Variants in FLRT3 observed in about 807,000 individuals in gnomAD.
FLRT3 encodes the protein fibronectin leucine rich transmembrane protein 3.
Under a neutral mutation model 42.6 loss-of-function variants are expected in FLRT3, and 17 were observed. The ratio of observed to expected loss-of-function variants is 0.40; its 90% confidence interval spans 0.27 to 0.60. The LOEUF is 0.60. FLRT3 is among the 20% of genes least tolerant of loss of function. The pLI is 0.44. For missense variants in FLRT3, 635 were observed against 789.2 expected, an observed-to-expected ratio of 0.80 and a Z score of 2.34; for synonymous variants, 279 against 286.4, an observed-to-expected ratio of 0.97 and a Z score of 0.26.
chr20:14,325,683 C>T lies in FLRT3; in HGVS notation c.1824G>A (p.Glu608=), dbSNP rs1228611015. Residue 608 remains glutamate (E), a synonymous_variant, in exon 3 of 3, where the codon GAG becomes GAA. Coordinates refer to ENST00000341420, the MANE Select transcript of FLRT3 (RefSeq NM_198391.3). The stretch of plus-strand genomic sequence containing the variant: ...GAGGAAATATGGTGTGTATTACAAA[C>T]TCCTCCTTCGAGATGGGTTCATTGC... ...PISNEPISKE[E]FVIHTIFPPN... is the part of the protein sequence containing the mutation. 1.2e-6 allele frequency: 2 copies of T among 1,613,874 alleles called. No individual in the cohort carries two copies. Among genetic ancestry groups the T allele is most frequent in the African/African-American group, 1.3e-5 (1 of 75,020 alleles).
intron 1 of FLRT3, among the ~76,000 whole-genome samples, chr20:14,335,170 A>C (rs1182197828): frequency 1.3e-5 from 2 of 152,118 alleles, no homozygotes; most frequent in Non-Finnish European, 2.9e-5. Context: ...AGCACAGAAA[A>C]ATCTCTCTGC....
chr20:14,336,836 G>T (rs535866887), intron 1 of FLRT3, among the ~76,000 whole-genome samples: 2 of 152,324 alleles, frequency 1.3e-5, no homozygotes, highest in South Asian at 4.1e-4. Flanking sequence ...TGAAATGCTT[G>T]AAGCAGCTCA....
intron 1 of FLRT3, among the ~76,000 whole-genome samples, chr20:14,331,589 G>C (rs551929117): frequency 2.6e-5 from 4 of 152,186 alleles, no homozygotes; most frequent in African/African-American, 4.8e-5. Flanking sequence ...TGAAGATTAC[G>C]TTCAGAGCTA....
rs1206284728 is a variant in FLRT3, at chr20:14,323,400, C to T, written c.*2157G>A. 1 of 152,160 alleles carries T rather than the reference C, an allele frequency of 6.6e-6. No individual in the cohort carries two copies. Among genetic ancestry groups the T allele is most frequent in the Non-Finnish European group, 1.5e-5 (1 of 68,022 alleles). The allele number at this position is 152,160 out of a possible 1,614,324, so 9.4% of individuals were successfully genotyped here. Reference sequence around the variant, plus strand: ...GGTGGGCACAGAGCTTCCATGCCCTCTCCAGGCATGCCATCCTGCAGGAAC... The same window carrying T: ...GGTGGGCACAGAGCTTCCATGCCCTTTCCAGGCATGCCATCCTGCAGGAAC... On this transcript the variant is annotated 3_prime_UTR_variant, in exon 3 of 3. Transcript: ENST00000341420.
In FLRT3 at chr20:14,326,871, G is replaced by A. The variant is rs748847210; in HGVS notation, c.636C>T (p.Asn212=). The change falls in exon 3 of 3, where the codon AAC becomes AAT. Residue 212 remains asparagine, a synonymous_variant. Coordinates refer to ENST00000341420, the MANE Select transcript of FLRT3 (RefSeq NM_198391.3). This position sits in a 1 kb window ranked among gnomAD's most constrained non-coding sequence, Gnocchi z 5.5. ...AAACTTTGTCACCTAAACCATGATT[G>A]TTCAACAGGTTTCCATCTAGAACCA... ...KRLVLDGNLL[N]NHGLGDKVFF... is the part of the protein sequence containing the mutation. The A allele has an allele frequency of 8.3e-5, 134 of 1,613,734 alleles. 2 individuals are homozygous for A. The South Asian group carries it at 1.2e-3, about 15-fold the overall frequency.
At chr20:14,333,568 A>G (rs1242706356) in intron 1 of FLRT3, among the ~76,000 whole-genome samples, 1 of 152,200 alleles carries the variant, frequency 6.6e-6, no homozygotes, top group African/African-American at 2.4e-5. Context: ...AGCAAATGCA[A>G]TTAAAAGTTT....
In FLRT3 at chr20:14,326,510, T is replaced by C. The variant is rs1302536231; in HGVS notation, c.997A>G (p.Met333Val). The C allele has an allele frequency of 6.2e-7, 1 of 1,613,480 alleles. No individual in the cohort carries two copies. The highest frequency in any genetic ancestry group is 8.5e-7 in the Non-Finnish European group (1 of 1,179,488). Residue 333 changes from methionine to valine, a missense_variant, in exon 3 of 3, where the codon ATG becomes GTG. Coordinates refer to ENST00000341420, the MANE Select transcript of FLRT3 (RefSeq NM_198391.3). The surrounding 1 kb of genome is among the most constrained non-coding windows in gnomAD (Gnocchi z 5.5). The stretch of plus-strand genomic sequence containing the variant: ...CGAACCTTTTCTGGGGCTTGGCACA[T>C]GAGCCCACGCACGTTGACCTTCACA... ...LPVKVNVRGL[M>V]CQAPEKVRGM... is the part of the protein sequence containing the mutation.
Position 14,327,461 on chromosome 20 carries a change from C to T in FLRT3, c.46G>A (p.Gly16Arg). ...WSIFLIGTKI[G>R]LFLQVAPLSV... ...AGAGGTGCTACTTGAAGGAACAGCC[C>T]AATTTTAGTCCCGATGAGGAAGATG... is the stretch of plus-strand genomic sequence containing the variant. The change falls in exon 3 of 3, where the codon GGG becomes AGG. Residue 16 changes from glycine to arginine, a missense_variant. By Grantham distance (125) the Gly-to-Arg change is moderately radical. Coordinates refer to ENST00000341420, the MANE Select transcript of FLRT3 (RefSeq NM_198391.3). 6.2e-7 allele frequency: 1 copy of T among 1,613,256 alleles called. No individual in the cohort carries two copies. The highest frequency in any genetic ancestry group is 8.5e-7 in the Non-Finnish European group (1 of 1,179,510).
In FLRT3 at chr20:14,331,342, G is replaced by C. The variant is rs6042674; in HGVS notation, c.-246-2015C>G. On this transcript the variant is annotated intron_variant, in intron 1 of 2. Coordinates refer to ENST00000341420, the MANE Select transcript of FLRT3 (RefSeq NM_198391.3). ...TCTAAATTGGTGTGAAAAGACGGAA[G>C]ATTAATTTGTTTATTTTACCTGTTT... is the stretch of plus-strand genomic sequence containing the variant. Among the ~76,000 whole-genome samples the C allele has an allele frequency of 9.0e-3, 1,363 of 152,200 alleles. 19 individuals are homozygous for C. Among genetic ancestry groups the C allele is most frequent in the African/African-American group, 0.031 (1,294 of 41,556 alleles).
chr20:14,333,386 G>T (rs2082878494), intron 1 of FLRT3, among the ~76,000 whole-genome samples: 1 of 152,104 alleles, frequency 6.6e-6, no homozygotes. Context: ...AAGGCAAACT[G>T]GGATATTATC....
At chr20:14,333,937 T>C (rs2122627534) in intron 1 of FLRT3, among the ~76,000 whole-genome samples, 1 of 152,328 alleles carries the variant, frequency 6.6e-6, no homozygotes, top group South Asian at 2.1e-4. Context: ...CCTCGGTAAC[T>C]TGTGCACATG....
rs770177438 is a variant in FLRT3 at position 14,326,907 on chromosome 20, A to T, written c.600T>A (p.Ser200Arg). The change falls in exon 3 of 3, where the codon AGT becomes AGA. Residue 200 changes from serine (S) to arginine (R), a missense_variant. Ser to Arg is a moderately radical substitution (Grantham distance 110). Transcript: ENST00000341420. This position sits in a 1 kb window ranked among gnomAD's most constrained non-coding sequence, Gnocchi z 5.5. Reference sequence around the variant, plus strand: ...TTCCATCTAGAACCAGGCGTTTTAGACTAGTGAGACCTTGAAGAGATGGTG... The same window carrying T: ...TTCCATCTAGAACCAGGCGTTTTAGTCTAGTGAGACCTTGAAGAGATGGTG... The part of the protein sequence containing the change: ...ISSPSLQGLT[S>R]LKRLVLDGNL... 1 of 1,613,816 alleles carries T rather than the reference A, an allele frequency of 6.2e-7. No homozygotes were observed. The highest frequency in any genetic ancestry group is 1.1e-5 in the South Asian group (1 of 91,082).
chr20:14,333,674 T>G (rs2082883897), intron 1 of FLRT3, among the ~76,000 whole-genome samples: 1 of 152,206 alleles, frequency 6.6e-6, no homozygotes, highest in African/African-American at 2.4e-5. Flanking sequence ...AAATTTCTAA[T>G]ATTTAAGTTT....
At chr20:14,336,433 C>A (rs1238856296) in intron 1 of FLRT3, among the ~76,000 whole-genome samples, 1 of 152,024 alleles carries the variant, frequency 6.6e-6, no homozygotes, top group East Asian at 1.9e-4. Flanking sequence ...CTATATGCAA[C>A]CATTTTGTTT....
Position 14,337,425 on chromosome 20 carries a change from T to A in FLRT3, c.-268A>T. 2 of 322,674 alleles carry A rather than the reference T, an allele frequency of 6.2e-6. No homozygotes were observed. Among genetic ancestry groups the A allele is most frequent in the Admixed American group, 4.9e-5 (1 of 20,212 alleles). The allele number at this position is 322,674 out of a possible 1,614,324, so 20.0% of individuals were successfully genotyped here. A position where few individuals can be genotyped will look rare whatever the true frequency, so the allele number is the denominator to read the frequency against. On this transcript the variant is annotated 5_prime_UTR_variant, in exon 1 of 3. Coordinates refer to ENST00000341420, the MANE Select transcript of FLRT3 (RefSeq NM_198391.3). ...TTACCAGGAAGACGAGAAAAAGCAA[T>A]CCTATATACACTGCCGCTATAGCTG...
rs764297475 is a variant in FLRT3, at chr20:14,326,216, G to T, written c.1291C>A (p.Leu431Ile). 1 of 1,613,934 alleles carries T rather than the reference G, an allele frequency of 6.2e-7. No homozygotes were observed. The highest frequency in any genetic ancestry group is 8.5e-7 in the Non-Finnish European group (1 of 1,179,882). The change falls in exon 3 of 3, where the codon CTA becomes ATA. Residue 431 changes from leucine to isoleucine, a missense_variant. Transcript: ENST00000341420. This position sits in a 1 kb window ranked among gnomAD's most constrained non-coding sequence, Gnocchi z 5.5. ...CTGAGTCTCAAAGCAGTCATAGGTA[G>T]AGCAAGTTTCCAAGAGATATGAATG... ...DTIHISWKLA[L>I]PMTALRLSWL...
chr20:14,332,267 A>C (rs1026446895), intron 1 of FLRT3, among the ~76,000 whole-genome samples: 1 of 152,048 alleles, frequency 6.6e-6, no homozygotes, highest in Non-Finnish European at 1.5e-5. Flanking sequence ...TCCATGATAC[A>C]CCCAATAAAA....
chr20:14,325,682 ACTC>A lies in FLRT3; in HGVS notation c.1822_1824del (p.Glu608del). ...GGAGGAAATATGGTGTGTATTACAA[ACTC>A]CTCCTTCGAGATGGGTTCATTGCTT... is the stretch of plus-strand genomic sequence containing the variant. On this transcript the variant is annotated inframe_deletion, in exon 3 of 3. Coordinates refer to ENST00000341420, the MANE Select transcript of FLRT3 (RefSeq NM_198391.3). 6.2e-7 allele frequency: 1 copy of A among 1,613,582 alleles called. No homozygotes were observed. The highest frequency in any genetic ancestry group is 8.5e-7 in the Non-Finnish European group (1 of 1,179,784).
In FLRT3 at chr20:14,330,471, A is replaced by G. The variant is rs558183126; in HGVS notation, c.-246-1144T>C. Reference sequence around the variant, plus strand: ...ATCCAACAAGTATAGCATCTGTTCCATAATTCAGATACTCTGCTGAACGAG... The same window carrying G: ...ATCCAACAAGTATAGCATCTGTTCCGTAATTCAGATACTCTGCTGAACGAG... On this transcript the variant is annotated intron_variant, in intron 1 of 2. Coordinates refer to ENST00000341420, the MANE Select transcript of FLRT3 (RefSeq NM_198391.3). Among the ~76,000 whole-genome samples, 10 of 152,188 alleles carry G rather than the reference A, an allele frequency of 6.6e-5. No individual in the cohort carries two copies. The South Asian group carries it at 1.7e-3, about 25-fold the overall frequency.
Sources: gnomAD v4.1 joint callset for allele counts (sites outside exome capture counted in the v4.1 genomes callset) on GRCh38, gnomAD v4.1.1 for gene constraint, Gnocchi (gnomAD v3.1) non-coding constraint, MANE v1.5 for transcripts, NCBI Gene and HGNC (gene_info 2026-07-23, HGNC 2026-07-21) for gene names.